ELF2: variants seen among roughly 807,000 people sequenced by gnomAD.
The protein encoded by ELF2 is ETS-related transcription factor Elf-2.
In ELF2, 11 loss-of-function variants were observed where a neutral mutation model predicts 54.8. The observed-to-expected ratio is 0.20, with a 90% confidence interval of 0.13 to 0.33. ELF2 has a LOEUF of 0.33. Among genes scored for constraint, ELF2 ranks in the 10% least tolerant of loss-of-function variants. ELF2 has a pLI of 1.00. For missense variants in ELF2, 513 were observed against 703.0 expected (o/e 0.73, Z 3.06); for synonymous variants, 203 against 245.1 (o/e 0.83, Z 1.61).
At position 139,057,287 on chromosome 4, in the gene ELF2, T is replaced by G. The variant is rs1005414899; in HGVS notation, c.*1696A>C. On this transcript the variant is annotated 3_prime_UTR_variant, in exon 10 of 10. Coordinates refer to ENST00000686138, the MANE Select transcript of ELF2 (RefSeq NM_001331036.3). ...AGCTTTTGTATAAAAGTATCATCAA[T>G]ATATTTATGGAAAAGTTTAAAAGAT... The G allele has an allele frequency of 6.6e-5, 10 of 152,236 alleles. No homozygotes were observed. The highest frequency in any genetic ancestry group is 2.4e-4 in the African/African-American group (10 of 41,460). The allele number at this position is 152,236 out of a possible 1,614,324, so 9.4% of individuals were successfully genotyped here. A position where few individuals can be genotyped will look rare whatever the true frequency, so the allele number is the denominator to read the frequency against.
At chr4:139,082,295 C>T (rs970796992) in intron 4 of ELF2, among the ~76,000 whole-genome samples, 2 of 152,140 alleles carry the variant, frequency 1.3e-5, no homozygotes, top group East Asian at 1.9e-4. Flanking sequence ...CTTCACGTAT[C>T]GTTAGTACCA....
intron 1 of ELF2, among the ~76,000 whole-genome samples, chr4:139,151,032 A>AGAAAGAAAGAAAGAAAGAAAGAGAAAG (rs1553971300): frequency 2.9e-5 from 3 of 102,532 alleles, no homozygotes; most frequent in African/African-American, 1.5e-4. Flanking sequence ...TCAAAAAAAA[A>AGAAAGAAAGAAAGAAAGAAAGAGAAAG]AAAGAAAGAA....
intron 4 of ELF2, chr4:139,084,589 C>T: frequency 4.3e-6 from 1 of 232,356 alleles, no homozygotes; most frequent in Non-Finnish European, 7.2e-6. Context: ...GGCTGGGAAA[C>T]GGCTCCGGGA....
At chr4:139,069,401 G>A (rs1729192927) in intron 6 of ELF2, among the ~76,000 whole-genome samples, 1 of 152,138 alleles carries the variant, frequency 6.6e-6, no homozygotes, top group Non-Finnish European at 1.5e-5. Flanking sequence ...GTCTCTGTTA[G>A]AATACAGCTT....
chr4:139,170,579 T>C (rs1447854230), intron 1 of ELF2, among the ~76,000 whole-genome samples: 1 of 150,284 alleles, frequency 6.7e-6, no homozygotes, highest in Non-Finnish European at 1.5e-5. Context: ...TTTTAAGCAA[T>C]GAAAAGACCA....
chr4:139,076,071 A>G (rs1730275669), intron 4 of ELF2, among the ~76,000 whole-genome samples: 1 of 152,246 alleles, frequency 6.6e-6, no homozygotes, highest in Non-Finnish European at 1.5e-5. Context: ...AGTTCATCTC[A>G]AAGTTCCCTA....
At chr4:139,089,479 G>A (rs748556454) in intron 4 of ELF2, among the ~76,000 whole-genome samples, 2 of 152,158 alleles carry the variant, frequency 1.3e-5, no homozygotes. Flanking sequence ...CTGCTATCAT[G>A]AGTTTGGTGT....
intron 4 of ELF2, among the ~76,000 whole-genome samples, chr4:139,100,073 G>A (rs1395294767): frequency 6.6e-6 from 1 of 152,184 alleles, no homozygotes; most frequent in Non-Finnish European, 1.5e-5. Flanking sequence ...GAGGGGAAGG[G>A]ATATTATATA....
chr4:139,135,766 C>T (rs547983759), intron 3 of ELF2, among the ~76,000 whole-genome samples: 1 of 152,178 alleles, frequency 6.6e-6, no homozygotes, highest in Non-Finnish European at 1.5e-5. Context: ...ATATAGTCTT[C>T]TTCTGACTTC....
chr4:139,068,602 CAT>C (rs1390125288), intron 6 of ELF2, among the ~76,000 whole-genome samples: 1 of 152,178 alleles, frequency 6.6e-6, no homozygotes, highest in African/African-American at 2.4e-5. Context: ...CAAGTGATTT[CAT>C]ATGTCTAATA....
Position 139,139,614 on chromosome 4 carries a change from A to G in ELF2, c.-251-117T>C, listed in dbSNP as rs962768732. On this transcript the variant is annotated intron_variant, in intron 1 of 9. Coordinates refer to ENST00000686138, the MANE Select transcript of ELF2 (RefSeq NM_001331036.3). ...AATAAAACAAATCACTTCCAAAGCC[A>G]TATGTCGCACATTCACATAAGGAAT... 1.4e-5 allele frequency: 6 copies of G among 422,720 alleles called. No homozygotes were observed. The Admixed American group carries it at 1.5e-4, about 10-fold the overall frequency. The allele number at this position is 422,720 out of a possible 1,614,324, so 26.2% of individuals were successfully genotyped here.
Position 139,114,649 on chromosome 4 carries a change from T to C in ELF2, c.238+10515A>G, listed in dbSNP as rs1168832320. Among the ~76,000 whole-genome samples the C allele has an allele frequency of 7.1e-5, 9 of 127,218 alleles. No individual in the cohort carries two copies. The East Asian group carries it at 1.4e-3, about 20-fold the overall frequency. 83.5% of individuals were successfully genotyped at this position (127,218 alleles called of 152,430 possible). ...TGGATTTTTTTTTTCTTTCTTTTTTTTTTTTTTTTTTGCACCAAAGGCGTA... is the reference window on the plus strand; with the variant it reads ...TGGATTTTTTTTTTCTTTCTTTTTTCTTTTTTTTTTTGCACCAAAGGCGTA... On this transcript the variant is annotated intron_variant, in intron 4 of 9. Transcript: ENST00000686138.
intron 4 of ELF2, among the ~76,000 whole-genome samples, chr4:139,086,201 A>G (rs767912094): frequency 6.7e-5 from 8 of 118,578 alleles, no homozygotes; most frequent in Non-Finnish European, 1.0e-4. Flanking sequence ...AGTGAATGAG[A>G]GAATAGGAAG....
intron 4 of ELF2, among the ~76,000 whole-genome samples, chr4:139,118,188 C>A (rs1338093929): frequency 6.6e-6 from 1 of 152,070 alleles, no homozygotes; most frequent in African/African-American, 2.4e-5. Context: ...GGTGCTTATA[C>A]ACTCACTGGG....
chr4:139,111,200 A>G (rs149925394), intron 4 of ELF2, among the ~76,000 whole-genome samples: 2 of 152,310 alleles, frequency 1.3e-5, no homozygotes, highest in African/African-American at 2.4e-5. Context: ...CGATGATGCC[A>G]GTGGAAATAA....
At chr4:139,137,461 T>C in intron 3 of ELF2, 169 bp downstream of exon 3, 1 of 666,644 alleles carries the variant, frequency 1.5e-6, no homozygotes, top group Non-Finnish European at 2.5e-6. Context: ...CTGCAATACC[T>C]TCCTTGACCT....
intron 1 of ELF2, among the ~76,000 whole-genome samples, chr4:139,143,221 G>A (rs1199078727): frequency 2.0e-5 from 3 of 152,184 alleles, no homozygotes; most frequent in African/African-American, 4.8e-5. Context: ...AGCTGTGCAT[G>A]TGTTCCTGGA....
intron 7 of ELF2, among the ~76,000 whole-genome samples, chr4:139,063,937 C>T (rs927217670): frequency 2.6e-5 from 4 of 152,006 alleles, no homozygotes; most frequent in African/African-American, 9.7e-5. Flanking sequence ...TAGTAGGCAG[C>T]GGTCATTAGA....
intron 4 of ELF2, among the ~76,000 whole-genome samples, chr4:139,096,565 GAT>G (rs1260716619): frequency 4.6e-5 from 7 of 150,776 alleles, no homozygotes; most frequent in Admixed American, 6.6e-5. Context: ...AGGTTCAAGC[GAT>G]TCTCCTGCCT....
Sources: allele counts gnomAD v4.1 joint callset (sites outside exome capture counted in the v4.1 genomes callset), GRCh38; gene constraint gnomAD v4.1.1; transcripts MANE v1.5; gene names NCBI Gene and HGNC (gene_info 2026-07-23, HGNC 2026-07-21).